The following MDC1 variants were observed in gnomAD, a reference collection of about 807,000 sequenced individuals.
The protein encoded by MDC1 is mediator of DNA damage checkpoint 1.
A neutral mutation model predicts 142.5 loss-of-function variants in MDC1; 81 were observed. The ratio of observed to expected loss-of-function variants is 0.57; its 90% CI spans 0.47 to 0.68. MDC1 has a LOEUF of 0.68. Among genes scored for constraint, MDC1 ranks in the 30% least tolerant of loss-of-function variants. The pLI is 0.00. For synonymous variants in MDC1, 797 were observed against 968.4 expected, an observed-to-expected ratio of 0.82 and a Z score of 3.29; for missense variants, 2,119 against 2,547.9, an observed-to-expected ratio of 0.83 and a Z score of 3.62.
In MDC1 at chr6:30,709,386, C is replaced by T. The variant is rs924999046; in HGVS notation, c.2222-1029G>A. Among the ~76,000 whole-genome samples the T allele has an allele frequency of 6.6e-6, 1 of 152,056 alleles. No homozygotes were observed. Among genetic ancestry groups the T allele is most frequent in the African/African-American group, 2.4e-5 (1 of 41,388 alleles). ...TATATACCACATTTTCTTTTTTCTT[C>T]ATTGACACATAATAATTGTACATAT... On this transcript the variant is annotated intron_variant, in intron 7 of 14. Transcript: ENST00000376406. The surrounding 1 kb of genome is among the most constrained non-coding windows in gnomAD (Gnocchi z 4.2).
chr6:30,712,040 C>T lies in MDC1; in HGVS notation c.1902G>A (p.Val634=), dbSNP rs376056939. The change falls in exon 5 of 15, where the codon GTG becomes GTA. Residue 634 remains valine, a synonymous_variant. Transcript: ENST00000376406. The surrounding 1 kb of genome is among the most constrained non-coding windows in gnomAD (Gnocchi z 4.7). ...GAQGGPPVAQ[V]EQDLPISREN... The stretch of plus-strand genomic sequence containing the variant: ...CTCTTGAGATAGGGAGGTCCTGCTC[C>T]ACTTGTGCCACAGGTGGCCCACCCT... 7 of 1,592,292 alleles carry T rather than the reference C, an allele frequency of 4.4e-6. No homozygotes were observed. Among genetic ancestry groups the T allele is most frequent in the Middle Eastern group, 1.7e-4 (1 of 5,946 alleles).
chr6:30,714,183 TCTA>T lies in MDC1; in HGVS notation c.137-3_137-1del. 6.2e-7 allele frequency: 1 copy of T among 1,604,610 alleles called. No individual in the cohort carries two copies. On this transcript the variant is annotated splice_acceptor_variant and splice_polypyrimidine_tract_variant and intron_variant, in intron 2 of 14. Transcript: ENST00000376406. LOFTEE classifies it high-confidence loss of function. ...ATTCTTCCCGAGGTGTAGTGGGAAA[TCTA>T]AGAATTAGAGAGGTAGATAAGCTCC...
chr6:30,714,928 A>T (rs1280526604), intron 2 of MDC1, 112 bp downstream of exon 2: 1 of 1,302,548 alleles, frequency 7.7e-7, no homozygotes, highest in East Asian at 2.4e-5. Flanking sequence ...TTCATGAAAA[A>T]AAAAAATTCA....
rs904367132 is a variant in MDC1, at chr6:30,715,731, T to C, written c.-3-553A>G. The stretch of plus-strand genomic sequence containing the variant: ...AACTGCAAAAAATGATAATAAAAGA[T>C]GACATATATAGAAGCTTCCTATGTG... On this transcript the variant is annotated intron_variant, in intron 1 of 14. Transcript: ENST00000376406. This position sits in a 1 kb window ranked among gnomAD's most constrained non-coding sequence, Gnocchi z 4.1. Among the ~76,000 whole-genome samples, 2 of 152,206 alleles carry C rather than the reference T, an allele frequency of 1.3e-5. No individual in the cohort carries two copies. The highest frequency in any genetic ancestry group is 4.8e-5 in the African/African-American group (2 of 41,446).
Position 30,705,820 on chromosome 6 carries a change from G to A in MDC1, c.3363C>T (p.Thr1121=), listed in dbSNP as rs146999878. 240 of 1,612,520 alleles carry A rather than the reference G, an allele frequency of 1.5e-4. No homozygotes were observed. In the Middle Eastern group the frequency reaches 3.8e-3, roughly 26 times the overall value. The part of the protein sequence containing the change: ...KSSRMTPFPA[T]SAAPEPHPST... Reference sequence around the variant, plus strand: ...AAGGGTGGGGCTCAGGGGCAGCAGAGGTAGCTGGAAAGGGTGTCATTCTGG... The same window carrying A: ...AAGGGTGGGGCTCAGGGGCAGCAGAAGTAGCTGGAAAGGGTGTCATTCTGG... Residue 1121 remains threonine (T), a synonymous_variant, in exon 10 of 15, where the codon ACC becomes ACT. Transcript: ENST00000376406.
rs1774142614 is a variant in MDC1, at chr6:30,707,752, C to T, written c.2827G>A (p.Glu943Lys). 1.2e-6 allele frequency: 2 copies of T among 1,612,998 alleles called. No individual in the cohort carries two copies. The highest frequency in any genetic ancestry group is 1.6e-4 in the Middle Eastern group (1 of 6,084). ...LEEKVPKVIL[E>K]RDTQRGEPEG... is the part of the protein sequence containing the mutation. ...GGCTCCCCTCTCTGTGTATCTCTCT[C>T]CAGGATCACTTTGGGCACCTTCTCT... The change falls in exon 8 of 15, where the codon GAG (glutamate) becomes AAG (lysine). Residue 943 changes from glutamate to lysine, a missense_variant. Transcript: ENST00000376406.
Position 30,703,644 on chromosome 6 carries a change from CAG to C in MDC1, c.5537_5538del (p.Thr1846SerfsTer41). On this transcript the variant is annotated frameshift_variant, in exon 10 of 15. Coordinates refer to ENST00000376406, the MANE Select transcript of MDC1 (RefSeq NM_014641.3). LOFTEE classifies it high-confidence loss of function. The surrounding 1 kb of genome is among the most constrained non-coding windows in gnomAD (Gnocchi z 4.4). ...ACCTCTTCCTTCCCTGGCTTCTCTGCAGTATCTTCTTCCTCTTCCTTGATAAT... is the reference window on the plus strand; with the variant it reads ...ACCTCTTCCTTCCCTGGCTTCTCTGCTATCTTCTTCCTCTTCCTTGATAAT... ...TVIIKEEEED[T>X]AEKPGKEEDV... 6.3e-7 allele frequency: 1 copy of C among 1,577,480 alleles called. No individual in the cohort carries two copies. Among genetic ancestry groups the C allele is most frequent in the Non-Finnish European group, 8.6e-7 (1 of 1,164,620 alleles).
At position 30,713,966 on chromosome 6, in the gene MDC1, C is replaced by A. The variant is rs1337640025; in HGVS notation, c.354G>T (p.Gln118His). 1 of 1,613,014 alleles carries A rather than the reference C, an allele frequency of 6.2e-7. No individual in the cohort carries two copies. The highest frequency in any genetic ancestry group is 1.1e-5 in the South Asian group (1 of 91,070). The change falls in exon 3 of 15, where the codon CAG becomes CAT. Residue 118 changes from glutamine to histidine, a missense_variant. Transcript: ENST00000376406. The surrounding 1 kb of genome is among the most constrained non-coding windows in gnomAD (Gnocchi z 4.9). ...GCAAGTCAGCAAAGAGAATCAATTC[C>A]TGGTCCCTCAGACGGTGACTCACCC... is the stretch of plus-strand genomic sequence containing the variant. ...SPGVSHRLRD[Q>H]ELILFADLLC... is the part of the protein sequence containing the mutation.
At chr6:30,707,104 C>G (rs947222278) in intron 9 of MDC1, among the ~76,000 whole-genome samples, 1 of 152,160 alleles carries the variant, frequency 6.6e-6, no homozygotes, top group Admixed American at 6.5e-5. Flanking sequence ...ATAGTGTTCT[C>G]CACACGTGGA....
rs17189329 is a variant in MDC1, at chr6:30,711,733, G to A, written c.2069-7C>T. ...AGGTCCAGATCTTCAGAATCTGGTC[G>A]GGGAGGAATATAAGACAGTTTAAAA... is the stretch of plus-strand genomic sequence containing the variant. On this transcript the variant is annotated splice_polypyrimidine_tract_variant and splice_region_variant and intron_variant, in intron 5 of 14. Transcript: ENST00000376406. 8.3e-3 allele frequency: 13,438 copies of A among 1,612,070 alleles called. 312 individuals carry two copies. Among genetic ancestry groups the A allele is most frequent in the East Asian group, 0.049 (2,190 of 44,850 alleles).
chr6:30,707,674 G>C lies in MDC1; in HGVS notation c.2905C>G (p.Pro969Ala). The change falls in exon 8 of 15, where the codon CCT becomes GCT. Residue 969 changes from proline to alanine, a missense_variant. Transcript: ENST00000376406. ...KGQASSPTPEPGVGAGDLPGP... is the reference protein window; with the variant it reads ...KGQASSPTPEAGVGAGDLPGP... ...GGAAGGTCCCCCGCCCCCACCCCAG[G>C]CTCTGGTGTTGGGCTGGAGGCCTGC... is the stretch of plus-strand genomic sequence containing the variant. 6.2e-7 allele frequency: 1 copy of C among 1,613,056 alleles called. No individual in the cohort carries two copies. Among genetic ancestry groups the C allele is most frequent in the South Asian group, 1.1e-5 (1 of 91,080 alleles).
rs140843115 is a variant in MDC1 at position 30,705,533 on chromosome 6, C to T, written c.3650G>A (p.Arg1217Gln). ...LELQPSTSTD[R>Q]PVTSEPTSQA... Reference sequence around the variant, plus strand: ...AGAGGTGGGTTCAGAGGTGACAGGTCGGTCGGTGGAGGTGGAAGGCTGGAG... The same window carrying T: ...AGAGGTGGGTTCAGAGGTGACAGGTTGGTCGGTGGAGGTGGAAGGCTGGAG... Residue 1217 changes from arginine to glutamine, a missense_variant, in exon 10 of 15, where the codon CGA becomes CAA. Arg to Gln is a conservative substitution (Grantham distance 43). Transcript: ENST00000376406. The T allele has an allele frequency of 1.3e-5, 21 of 1,585,602 alleles. No homozygotes were observed. The African/African-American group carries it at 1.6e-4, about 12-fold the overall frequency.
chr6:30,701,031 C>A (rs567097464), intron 14 of MDC1, among the ~76,000 whole-genome samples: 2 of 147,854 alleles, frequency 1.4e-5, no homozygotes, highest in African/African-American at 5.0e-5. Context: ...GCCGAGATCG[C>A]GCCACTGCAC....
In MDC1 at chr6:30,716,103, G is replaced by C. The variant is rs568944218; in HGVS notation, c.-3-925C>G. Among the ~76,000 whole-genome samples, 5 of 152,198 alleles carry C rather than the reference G, an allele frequency of 3.3e-5. No homozygotes were observed. The East Asian group carries it at 9.6e-4, about 29-fold the overall frequency. ...CAGCCAGACATTTTCCCCAGTCTTC[G>C]AACACACTGTTCTTGTCTTCCCACA... On this transcript the variant is annotated intron_variant, in intron 1 of 14. Coordinates refer to ENST00000376406, the MANE Select transcript of MDC1 (RefSeq NM_014641.3). The surrounding 1 kb of genome is among the most constrained non-coding windows in gnomAD (Gnocchi z 4.4).
chr6:30,704,848 A>G lies in MDC1; in HGVS notation c.4335T>C (p.Pro1445=). 1 of 1,607,752 alleles carries G rather than the reference A, an allele frequency of 6.2e-7. No homozygotes were observed. The highest frequency in any genetic ancestry group is 8.5e-7 in the Non-Finnish European group (1 of 1,177,344). The change falls in exon 10 of 15, where the codon CCT becomes CCC. Residue 1445 remains proline (P), a synonymous_variant. Transcript: ENST00000376406. Reference sequence around the variant, plus strand: ...CAGGGGCTGTGGGGACAACTGTTTCAGGGGTCTTCACAGAGGACCTATTTG... The same window carrying G: ...CAGGGGCTGTGGGGACAACTGTTTCGGGGGTCTTCACAGAGGACCTATTTG... ...GRTNRSSVKT[P]ETVVPTAPEL... is the part of the protein sequence containing the mutation.
chr6:30,701,293 C>T (rs1402414543), intron 14 of MDC1, among the ~76,000 whole-genome samples: 1 of 151,414 alleles, frequency 6.6e-6, no homozygotes, highest in Admixed American at 6.6e-5. Flanking sequence ...CCCAGCTACT[C>T]GGGAGGTTGA....
chr6:30,715,264 AAC>A lies in MDC1; in HGVS notation c.-3-88_-3-87del, dbSNP rs1333258257. ...TTATCAGACTGAAAACTAGGGGGTA[AAC>A]TGGATCATTATGAACGTTGATGCTT... On this transcript the variant is annotated intron_variant, in intron 1 of 14. Coordinates refer to ENST00000376406, the MANE Select transcript of MDC1 (RefSeq NM_014641.3). The surrounding 1 kb of genome is among the most constrained non-coding windows in gnomAD (Gnocchi z 4.1). The A allele has an allele frequency of 7.0e-7, 1 of 1,419,848 alleles. No individual in the cohort carries two copies. The highest frequency in any genetic ancestry group is 1.4e-5 in the African/African-American group (1 of 70,854). The allele number at this position is 1,419,848 out of a possible 1,614,324, so 88.0% of individuals were successfully genotyped here. A position where few individuals can be genotyped will look rare whatever the true frequency, so the allele number is the denominator to read the frequency against.
rs368748891 is a variant in MDC1 at position 30,715,028 on chromosome 6, A to G, written c.136+12T>C. 3.7e-6 allele frequency: 6 copies of G among 1,614,000 alleles called. No homozygotes were observed. Among genetic ancestry groups the G allele is most frequent in the African/African-American group, 1.3e-5 (1 of 75,008 alleles). ...ATCTATATCAATACTTGAACATCCAATACCCTCTGACCTTTTTCTGGTCCA... is the reference window on the plus strand; with the variant it reads ...ATCTATATCAATACTTGAACATCCAGTACCCTCTGACCTTTTTCTGGTCCA... On this transcript the variant is annotated intron_variant, in intron 2 of 14. Coordinates refer to ENST00000376406, the MANE Select transcript of MDC1 (RefSeq NM_014641.3). This position sits in a 1 kb window ranked among gnomAD's most constrained non-coding sequence, Gnocchi z 4.1.
In MDC1 at chr6:30,704,311, G is replaced by A; in HGVS notation, c.4872C>T (p.Ser1624=). 1 of 1,613,750 alleles carries A rather than the reference G, an allele frequency of 6.2e-7. No individual in the cohort carries two copies. The highest frequency in any genetic ancestry group is 8.5e-7 in the Non-Finnish European group (1 of 1,179,800). Residue 1624 remains serine, a synonymous_variant, in exon 10 of 15, where the codon TCC becomes TCT. Transcript: ENST00000376406. ...PTAPEPHPTT[S]TDQPVTPKLT... ...GCTTGGGGGTGACAGGCTGGTCTGTGGAGGTGGTAGGATGGGGCTCAGGGG... is the reference window on the plus strand; with the variant it reads ...GCTTGGGGGTGACAGGCTGGTCTGTAGAGGTGGTAGGATGGGGCTCAGGGG...
Sources: gnomAD v4.1 joint callset for allele counts (sites outside exome capture counted in the v4.1 genomes callset) on GRCh38, gnomAD v4.1.1 for gene constraint, Gnocchi (gnomAD v3.1) non-coding constraint, MANE v1.5 for transcripts, NCBI Gene and HGNC (gene_info 2026-07-23, HGNC 2026-07-21) for gene names.